LOXL2: variants seen among roughly 807,000 people sequenced by gnomAD.
LOXL2 encodes lysyl oxidase like 2.
In LOXL2, 70 loss-of-function variants were observed where a neutral mutation model predicts 93.0. The ratio of observed to expected loss-of-function variants is 0.75; its 90% CI spans 0.62 to 0.92. LOXL2 has a LOEUF of 0.92. Among genes scored for constraint, LOXL2 ranks in the 40% least tolerant of loss-of-function variants. The probability of loss-of-function intolerance (pLI) is 0.00; values close to 1 mark genes in which losing one functional copy is unlikely to be tolerated. For synonymous variants in LOXL2, 438 were observed against 413.2 expected (o/e 1.06, Z -0.73); for missense variants, 973 against 1,054.9 (o/e 0.92, Z 1.08).
chr8:23,380,354 C>T (rs1354680143), intron 1 of LOXL2, among the ~76,000 whole-genome samples: 4 of 146,620 alleles, frequency 2.7e-5, no homozygotes, highest in Admixed American at 7.0e-5. Flanking sequence ...GATCATGCCA[C>T]TGCACTCCAG....
chr8:23,367,379 A>G (rs1347018351), intron 2 of LOXL2, among the ~76,000 whole-genome samples: 1 of 152,166 alleles, frequency 6.6e-6, no homozygotes, highest in Non-Finnish European at 1.5e-5. Context: ...AAAATAAACT[A>G]ATAAATTTGA....
intron 2 of LOXL2, among the ~76,000 whole-genome samples, chr8:23,361,287 C>T (rs1174667826): frequency 3.3e-5 from 5 of 152,160 alleles, no homozygotes; most frequent in Non-Finnish European, 5.9e-5. Flanking sequence ...TATCCCACCA[C>T]CCCTTGAACC....
intron 3 of LOXL2, 84 bp downstream of exon 3, chr8:23,360,006 T>G: frequency 7.7e-7 from 1 of 1,303,796 alleles, no homozygotes; most frequent in Non-Finnish European, 1.1e-6. Context: ...CACACACACT[T>G]CTTGAAATCA....
intron 12 of LOXL2, 65 bp downstream of exon 12, chr8:23,301,962 G>GA (rs1803139393): frequency 1.3e-6 from 2 of 1,594,066 alleles, no homozygotes; most frequent in Admixed American, 3.4e-5. Context: ...CAATGGGAAG[G>GA]AGCCTGTGGA....
intron 1 of LOXL2, among the ~76,000 whole-genome samples, chr8:23,377,285 T>C (rs1204196938): frequency 6.6e-6 from 1 of 152,332 alleles, no homozygotes; most frequent in East Asian, 1.9e-4. Flanking sequence ...TCTAGTTTGA[T>C]TGCACTGTGG....
rs566418518 is a variant in LOXL2 at position 23,397,508 on chromosome 8, G to A, written c.-84+6446C>T. 3.3e-4 allele frequency among the ~76,000 whole-genome samples: 50 copies of A among 152,344 alleles called. 1 individual carries two copies. Among genetic ancestry groups the A allele is most frequent in the African/African-American group, 1.2e-3 (49 of 41,580 alleles). ...AAATATGCTTTTCCGGCCAGGCACAGTGGCTCACGCCTGTAATCCCAGCAC... is the reference window on the plus strand; with the variant it reads ...AAATATGCTTTTCCGGCCAGGCACAATGGCTCACGCCTGTAATCCCAGCAC... On this transcript the variant is annotated intron_variant, in intron 1 of 13. Transcript: ENST00000389131.
At chr8:23,304,390 C>G (rs904072455) in intron 10 of LOXL2, among the ~76,000 whole-genome samples, 4 of 152,184 alleles carry the variant, frequency 2.6e-5, no homozygotes, top group African/African-American at 9.7e-5. Context: ...TGCCCAGGCC[C>G]GGGGCTGAAG....
chr8:23,375,695 T>G (rs1431466173), intron 1 of LOXL2, among the ~76,000 whole-genome samples: 1 of 151,748 alleles, frequency 6.6e-6, no homozygotes, highest in African/African-American at 2.4e-5. Context: ...GGTATTTTAT[T>G]CTCTTTGAAG....
chr8:23,371,578 C>G (rs963819902), intron 1 of LOXL2, among the ~76,000 whole-genome samples: 1 of 151,524 alleles, frequency 6.6e-6, no homozygotes, highest in African/African-American at 2.4e-5. Context: ...CGGTGAAACC[C>G]CGTCTCTACT....
At chr8:23,387,432 G>A (rs1393151635) in intron 1 of LOXL2, among the ~76,000 whole-genome samples, 2 of 152,136 alleles carry the variant, frequency 1.3e-5, no homozygotes, top group African/African-American at 4.8e-5. Context: ...ACCTCCCAAT[G>A]CAGGGGCCCA....
chr8:23,339,155 A>G (rs1229991088), intron 4 of LOXL2, among the ~76,000 whole-genome samples: 1 of 152,130 alleles, frequency 6.6e-6, no homozygotes, highest in African/African-American at 2.4e-5. Flanking sequence ...CTAACTGTCA[A>G]CTGAGTCCCA....
chr8:23,350,097 C>G (rs1804066641), intron 3 of LOXL2, among the ~76,000 whole-genome samples: 1 of 152,098 alleles, frequency 6.6e-6, no homozygotes. Context: ...CCCCTTTTCC[C>G]TTGAGATCTG....
chr8:23,379,478 T>A (rs1369877238), intron 1 of LOXL2, among the ~76,000 whole-genome samples: 1 of 152,186 alleles, frequency 6.6e-6, no homozygotes, highest in Non-Finnish European at 1.5e-5. Context: ...GACAGGGACA[T>A]TTATGTCTGC....
chr8:23,358,846 T>A (rs1348526751), intron 3 of LOXL2, among the ~76,000 whole-genome samples: 2 of 47,498 alleles, frequency 4.2e-5, no homozygotes, highest in Non-Finnish European at 1.0e-4. Context: ...AGTACCTGCA[T>A]TTTTTTTTTT....
chr8:23,314,192 G>T (rs1258795326), intron 9 of LOXL2, among the ~76,000 whole-genome samples: 2 of 148,888 alleles, frequency 1.3e-5, no homozygotes, highest in African/African-American at 4.9e-5. Flanking sequence ...TACACTGTTG[G>T]TGGGACTGTA....
chr8:23,387,726 G>A (rs1169582236), intron 1 of LOXL2, among the ~76,000 whole-genome samples: 2 of 152,098 alleles, frequency 1.3e-5, no homozygotes, highest in Admixed American at 6.6e-5. Context: ...GAGGCAGGTG[G>A]ATCACTGGAG....
intron 10 of LOXL2, among the ~76,000 whole-genome samples, chr8:23,305,460 G>A (rs1803215046): frequency 6.6e-6 from 1 of 152,110 alleles, no homozygotes; most frequent in South Asian, 2.1e-4. Context: ...CCTCCCTAGG[G>A]CCACATCTCC....
intron 1 of LOXL2, among the ~76,000 whole-genome samples, chr8:23,381,563 G>A (rs1804681078): frequency 6.6e-6 from 1 of 152,160 alleles, no homozygotes; most frequent in South Asian, 2.1e-4. Flanking sequence ...TATTACTAAG[G>A]AGGTGGAGCT....
chr8:23,304,783 G>A (rs964102310), intron 10 of LOXL2, among the ~76,000 whole-genome samples: 80 of 152,166 alleles, frequency 5.3e-4, no homozygotes, highest in African/African-American at 1.9e-3. Context: ...CTGCTACAAC[G>A]GCAGGCAGGA....
Sources: gnomAD v4.1 joint callset for allele counts (sites outside exome capture counted in the v4.1 genomes callset) on GRCh38, gnomAD v4.1.1 for gene constraint, MANE v1.5 for transcripts, NCBI Gene and HGNC (gene_info 2026-07-23, HGNC 2026-07-21) for gene names.